USP15: variants seen among roughly 807,000 people sequenced by gnomAD.
USP15 encodes the protein ubiquitin carboxyl-terminal hydrolase 15.
A neutral mutation model predicts 127.1 loss-of-function variants in USP15; 18 were observed. The ratio of observed to expected loss-of-function variants is 0.14; its 90% confidence interval spans 0.10 to 0.21. The LOEUF is 0.21. Ranked by LOEUF, USP15 falls within the 10% of genes least tolerant of loss-of-function variation. The pLI is 1.00. For synonymous variants in USP15, 364 were observed against 393.7 expected, an observed-to-expected ratio of 0.92 and a Z score of 0.89; for missense variants, 805 against 1,159.9, an observed-to-expected ratio of 0.69 and a Z score of 4.44.
In USP15 at chr12:62,382,831, G is replaced by A. The variant is rs377560650; in HGVS notation, c.1090-1009G>A. On this transcript the variant is annotated intron_variant, in intron 9 of 21. Coordinates refer to ENST00000280377, the MANE Select transcript of USP15 (RefSeq NM_001252078.2). ...TTATCTTAAAAATGCTTTCAGATACGTAATTATCTTTATGTGGTAATATAG... is the reference window on the plus strand; with the variant it reads ...TTATCTTAAAAATGCTTTCAGATACATAATTATCTTTATGTGGTAATATAG... Among the ~76,000 whole-genome samples, 4 of 151,860 alleles carry A rather than the reference G, an allele frequency of 2.6e-5. No individual in the cohort carries two copies. In the East Asian group the frequency reaches 7.7e-4, roughly 29 times the overall value.
At position 62,403,446 on chromosome 12, in the gene USP15, A is replaced by T. The variant is rs576376205; in HGVS notation, c.2764-747A>T. ...GTGAAGCATTAAATGCTACTGAGAG[A>T]TTGACCAAAAGAACTGGAAAGGTCA... On this transcript the variant is annotated intron_variant, in intron 21 of 21. Transcript: ENST00000280377. Among the ~76,000 whole-genome samples the T allele has an allele frequency of 1.4e-3, 207 of 152,188 alleles. 1 individual carries two copies. The highest frequency in any genetic ancestry group is 4.8e-3 in the African/African-American group (198 of 41,556).
At position 62,390,853 on chromosome 12, in the gene USP15, T is replaced by A; in HGVS notation, c.1845-11T>A. 1 of 1,591,632 alleles carries A rather than the reference T, an allele frequency of 6.3e-7. No individual in the cohort carries two copies. Among genetic ancestry groups the A allele is most frequent in the South Asian group, 1.1e-5 (1 of 88,884 alleles). ...AGTACTGAACTTGTTTGATTTTTGA[T>A]TTTACTTAAGCCGATATGTCAAAAT... On this transcript the variant is annotated splice_polypyrimidine_tract_variant and intron_variant, in intron 14 of 21. Coordinates refer to ENST00000280377, the MANE Select transcript of USP15 (RefSeq NM_001252078.2).
rs78919713 is a variant in USP15 at position 62,286,086 on chromosome 12, T to C, written c.90-8093T>C. Among the ~76,000 whole-genome samples the C allele has an allele frequency of 4.9e-3, 742 of 152,294 alleles. 11 individuals are homozygous for C. The East Asian group carries it at 0.05, about 10-fold the overall frequency. On this transcript the variant is annotated intron_variant, in intron 1 of 21. Transcript: ENST00000280377. ...ATTCATATGTGTTAGTTTGAAATTT[T>C]TCTGTTTAGAGTAAACAGACAATCT... is the stretch of plus-strand genomic sequence containing the variant.
intron 6 of USP15, among the ~76,000 whole-genome samples, chr12:62,347,300 T>C (rs990981604): frequency 8.6e-5 from 13 of 151,424 alleles, no homozygotes; most frequent in African/African-American, 2.7e-4. Context: ...AAAGTGTGTG[T>C]GTGTACATAT....
intron 1 of USP15, chr12:62,274,162 A>G (rs533250290): frequency 1.3e-5 from 2 of 152,096 alleles, no homozygotes; most frequent in Admixed American, 6.6e-5. Context: ...CATGACCTTG[A>G]TAAGTTATAT....
In USP15 at chr12:62,411,429, T is replaced by C. The variant is rs2068038573; in HGVS notation, c.*7054T>C. On this transcript the variant is annotated 3_prime_UTR_variant, in exon 22 of 22. Transcript: ENST00000280377. ...CAGGCACTATTCTAGATTCAAGATA[T>C]AAAGTAATATACAAAAACAAAATCC... is the stretch of plus-strand genomic sequence containing the variant. The C allele has an allele frequency of 1.3e-5, 2 of 152,324 alleles. No homozygotes were observed. Among genetic ancestry groups the C allele is most frequent in the African/African-American group, 4.8e-5 (2 of 41,582 alleles). The allele number at this position is 152,324 out of a possible 1,614,324, so 9.4% of individuals were successfully genotyped here. A position where few individuals can be genotyped will look rare whatever the true frequency, so the allele number is the denominator to read the frequency against.
chr12:62,350,125 T>C (rs910434125), intron 7 of USP15, among the ~76,000 whole-genome samples: 2 of 151,864 alleles, frequency 1.3e-5, no homozygotes, highest in Non-Finnish European at 2.9e-5. Flanking sequence ...TTATACTAAT[T>C]ATGTATTACT....
intron 6 of USP15, among the ~76,000 whole-genome samples, chr12:62,328,781 A>G (rs1351417798): frequency 6.6e-6 from 1 of 152,346 alleles, no homozygotes; most frequent in South Asian, 2.1e-4. Flanking sequence ...AATGAGAGTT[A>G]CTGTAAAATT....
chr12:62,396,523 G>T lies in USP15; in HGVS notation c.2674+125G>T, dbSNP rs1289699304. 3 of 789,578 alleles carry T rather than the reference G, an allele frequency of 3.8e-6. No homozygotes were observed. In the Admixed American group the frequency reaches 7.4e-5, roughly 19 times the overall value. 48.9% of individuals were successfully genotyped at this position (789,578 alleles called of 1,614,324 possible). ...GATGTGTCTTGCATATAGTAGTTCA[G>T]TATTGATTAATGAATGAGTCAGCTT... On this transcript the variant is annotated intron_variant, in intron 20 of 21. Coordinates refer to ENST00000280377, the MANE Select transcript of USP15 (RefSeq NM_001252078.2).
chr12:62,288,887 G>A (rs2063864425), intron 1 of USP15, among the ~76,000 whole-genome samples: 2 of 152,054 alleles, frequency 1.3e-5, no homozygotes, highest in South Asian at 4.1e-4. Flanking sequence ...GTGGTGAATT[G>A]CATTTATTGA....
chr12:62,263,444 TTC>T (rs1173891313), intron 1 of USP15, among the ~76,000 whole-genome samples: 1 of 152,212 alleles, frequency 6.6e-6, no homozygotes, highest in Non-Finnish European at 1.5e-5. Flanking sequence ...GGTAACTAAC[TTC>T]CATACCTAGG....
Position 62,406,877 on chromosome 12 carries a change from A to G in USP15, c.*2502A>G, listed in dbSNP as rs2067883313. On this transcript the variant is annotated 3_prime_UTR_variant, in exon 22 of 22. Transcript: ENST00000280377. ...CTACTGGGGAGGCTGAGGTGAGAGA[A>G]TTGCTTGAGCCCAGGCAGTCAAGGC... is the stretch of plus-strand genomic sequence containing the variant. 6.6e-6 allele frequency: 1 copy of G among 152,036 alleles called. No individual in the cohort carries two copies. Among genetic ancestry groups the G allele is most frequent in the South Asian group, 2.1e-4 (1 of 4,820 alleles). 9.4% of individuals were successfully genotyped at this position (152,036 alleles called of 1,614,324 possible).
chr12:62,398,707 A>G, intron 20 of USP15, among the ~76,000 whole-genome samples: 1 of 152,182 alleles, frequency 6.6e-6, no homozygotes, highest in Non-Finnish European at 1.5e-5. Flanking sequence ...TCAGTTCCTT[A>G]AACGTGTGTA....
At chr12:62,288,313 T>C (rs2137124633) in intron 1 of USP15, among the ~76,000 whole-genome samples, 1 of 150,708 alleles carries the variant, frequency 6.6e-6, no homozygotes, top group South Asian at 2.1e-4. Flanking sequence ...GTCTTTCACC[T>C]CCTTGATTAG....
rs140693872 is a variant in USP15, at chr12:62,296,428, G to A, written c.217+2122G>A. ...TGCTAACACTGTTTTTTAAAAAGCC[G>A]GAGACATTAAGTTTCAGAATAAAGA... is the stretch of plus-strand genomic sequence containing the variant. On this transcript the variant is annotated intron_variant, in intron 2 of 21. Coordinates refer to ENST00000280377, the MANE Select transcript of USP15 (RefSeq NM_001252078.2). Among the ~76,000 whole-genome samples the A allele has an allele frequency of 6.2e-4, 94 of 152,180 alleles. 2 individuals are homozygous for A. The East Asian group carries it at 0.016, about 26-fold the overall frequency.
Position 62,415,768 on chromosome 12 carries a change from C to T in USP15, c.*11393C>T, listed in dbSNP as rs760438407. On this transcript the variant is annotated 3_prime_UTR_variant, in exon 22 of 22. Transcript: ENST00000280377. Reference sequence around the variant, plus strand: ...TTAATATTTATAAGGAAACCAAATCCCCATTCACTTAAGCCATCCACTCCT... The same window carrying T: ...TTAATATTTATAAGGAAACCAAATCTCCATTCACTTAAGCCATCCACTCCT... 1 of 152,086 alleles carries T rather than the reference C, an allele frequency of 6.6e-6. No individual in the cohort carries two copies. Among genetic ancestry groups the T allele is most frequent in the Admixed American group, 6.6e-5 (1 of 15,262 alleles). 9.4% of individuals were successfully genotyped at this position (152,086 alleles called of 1,614,324 possible). A position where few individuals can be genotyped will look rare whatever the true frequency, so the allele number is the denominator to read the frequency against.
intron 5 of USP15, among the ~76,000 whole-genome samples, chr12:62,325,165 T>G (rs977747089): frequency 6.6e-6 from 1 of 152,002 alleles, no homozygotes; most frequent in South Asian, 2.1e-4. Context: ...CTGGACGATA[T>G]AAGGAAAGAT....
At chr12:62,300,396 T>C (rs997390145) in intron 2 of USP15, among the ~76,000 whole-genome samples, 6 of 152,134 alleles carry the variant, frequency 3.9e-5, no homozygotes, top group Non-Finnish European at 7.4e-5. Context: ...AGCTTTTTAA[T>C]AGAAAAGGAT....
At chr12:62,286,037 G>T (rs956407105) in intron 1 of USP15, among the ~76,000 whole-genome samples, 6 of 151,886 alleles carry the variant, frequency 4.0e-5, no homozygotes, top group African/African-American at 1.5e-4. Context: ...TTAGTGATGT[G>T]GAATTTTTTT....
Sources: gnomAD v4.1 joint callset for allele counts (sites outside exome capture counted in the v4.1 genomes callset) on GRCh38, gnomAD v4.1.1 for gene constraint, MANE v1.5 for transcripts, NCBI Gene and HGNC (gene_info 2026-07-23, HGNC 2026-07-21) for gene names.